The following CECR2 variants were observed in gnomAD, a reference collection of about 807,000 sequenced individuals.
The protein encoded by CECR2 is chromatin remodeling regulator CECR2.
Under a neutral mutation model 154.5 loss-of-function variants are expected in CECR2, and 30 were observed. The ratio of observed to expected loss-of-function variants is 0.19; its 90% CI spans 0.15 to 0.26. The LOEUF is 0.26. CECR2 is among the 10% of genes least tolerant of loss of function. The pLI, the probability that CECR2 is intolerant of heterozygous loss-of-function variation, is 1.00. For synonymous variants in CECR2, 725 were observed against 683.7 expected, an observed-to-expected ratio of 1.06 and a Z score of -0.94; for missense variants, 1,743 against 1,829.3, an observed-to-expected ratio of 0.95 and a Z score of 0.86.
In CECR2 at chr22:17,511,980, T is replaced by C. The variant is rs571610441; in HGVS notation, c.954+84T>C. The C allele has an allele frequency of 1.5e-4, 159 of 1,047,702 alleles. No homozygotes were observed. In the African/African-American group the frequency reaches 2.4e-3, roughly 16 times the overall value. The allele number at this position is 1,047,702 out of a possible 1,614,324, so 64.9% of individuals were successfully genotyped here. On this transcript the variant is annotated intron_variant, in intron 8 of 18. Coordinates refer to ENST00000262608, the MANE Select transcript of CECR2 (RefSeq NM_001290047.2). The stretch of plus-strand genomic sequence containing the variant: ...TCATGTACTTCCATTCCTGCCTTTT[T>C]ATTTTCCTTCATTTTTTTTCCTAAA...
chr22:17,526,135 T>A (rs2056260461), intron 9 of CECR2, among the ~76,000 whole-genome samples: 1 of 151,874 alleles, frequency 6.6e-6, no homozygotes, highest in East Asian at 1.9e-4. Context: ...ATGACATTCT[T>A]CACAAAAATA....
rs2056553033 is a variant in CECR2, at chr22:17,542,911, T to A, written c.2768T>A (p.Met923Lys). 1.2e-6 allele frequency: 2 copies of A among 1,613,710 alleles called. No individual in the cohort carries two copies. Among genetic ancestry groups the A allele is most frequent in the Non-Finnish European group, 1.7e-6 (2 of 1,179,850 alleles). ...CCTTTTCCGCAGGTAGCTCACCCAA[T>A]GTCAGTCACTGTGTCAGCCCCCAAG... ...PGPFPQVAHP[M>K]SVTVSAPKPA... The change falls in exon 16 of 19, where the codon ATG becomes AAG. Residue 923 changes from methionine to lysine, a missense_variant. Transcript: ENST00000262608.
chr22:17,410,453 TG>T (rs1451841877), intron 1 of CECR2, among the ~76,000 whole-genome samples: 1 of 151,996 alleles, frequency 6.6e-6, no homozygotes, highest in Non-Finnish European at 1.5e-5. Context: ...TGTTTTGTTT[TG>T]TTTTTTGTTT....
intron 1 of CECR2, among the ~76,000 whole-genome samples, chr22:17,434,018 A>G (rs1200223368): frequency 6.6e-6 from 1 of 152,246 alleles, no homozygotes; most frequent in Non-Finnish European, 1.5e-5. Context: ...TTGCTAGAAT[A>G]TAACTAAGGT....
At chr22:17,407,315 G>A (rs1165895163) in intron 1 of CECR2, among the ~76,000 whole-genome samples, 2 of 152,218 alleles carry the variant, frequency 1.3e-5, no homozygotes, top group African/African-American at 2.4e-5. Flanking sequence ...ATTGAAAGAG[G>A]CCGGGTGCGG....
intron 16 of CECR2, among the ~76,000 whole-genome samples, chr22:17,545,730 C>T (rs1181386682): frequency 1.3e-5 from 2 of 151,576 alleles, no homozygotes; most frequent in African/African-American, 4.8e-5. Flanking sequence ...GTAATCCCAG[C>T]TCCTCGGGAG....
At chr22:17,378,463 A>AT (rs1322651608) in intron 1 of CECR2, among the ~76,000 whole-genome samples, 1 of 150,186 alleles carries the variant, frequency 6.7e-6, no homozygotes, top group East Asian at 2.0e-4. Flanking sequence ...CGCCTGGCTA[A>AT]TTTTTTGTAT....
intron 1 of CECR2, among the ~76,000 whole-genome samples, chr22:17,423,526 A>G (rs541745381): frequency 2.1e-4 from 32 of 151,952 alleles, no homozygotes; most frequent in African/African-American, 7.5e-4. Flanking sequence ...AAAAAGAAGA[A>G]GAATTAAGTG....
intron 1 of CECR2, among the ~76,000 whole-genome samples, chr22:17,431,016 C>T (rs1377824616): frequency 6.6e-6 from 1 of 152,100 alleles, no homozygotes; most frequent in Non-Finnish European, 1.5e-5. Context: ...GTCGAGTGCT[C>T]ACAACTTAAA....
At chr22:17,444,561 T>G (rs2054630855) in intron 1 of CECR2, among the ~76,000 whole-genome samples, 1 of 151,606 alleles carries the variant, frequency 6.6e-6, no homozygotes, top group Admixed American at 6.6e-5. Context: ...CGGGAGGAGG[T>G]TGCAGTGAGA....
At chr22:17,547,004 A>G (rs1238776318) in intron 16 of CECR2, among the ~76,000 whole-genome samples, 2 of 139,572 alleles carry the variant, frequency 1.4e-5, no homozygotes, top group East Asian at 4.3e-4. Flanking sequence ...ACGCCACTGC[A>G]CTCCAGCCTG....
intron 1 of CECR2, among the ~76,000 whole-genome samples, chr22:17,471,813 G>A (rs1290835933): frequency 6.6e-6 from 1 of 152,190 alleles, no homozygotes; most frequent in African/African-American, 2.4e-5. Context: ...GGGATTACAG[G>A]TGTGAGCCAC....
chr22:17,495,887 G>C (rs927545918), intron 2 of CECR2, among the ~76,000 whole-genome samples: 3 of 132,308 alleles, frequency 2.3e-5, no homozygotes, highest in African/African-American at 8.1e-5. Flanking sequence ...AAAAAAAAAG[G>C]TATTTACACC....
Position 17,497,559 on chromosome 22 carries a change from T to C in CECR2, c.378T>C (p.Asp126=). 1.2e-6 allele frequency: 2 copies of C among 1,614,010 alleles called. No homozygotes were observed. The highest frequency in any genetic ancestry group is 1.7e-6 in the Non-Finnish European group (2 of 1,179,880). Residue 126 remains aspartate (D), a synonymous_variant, in exon 3 of 19, where the codon GAT becomes GAC. Coordinates refer to ENST00000262608, the MANE Select transcript of CECR2 (RefSeq NM_001290047.2). ...ILHRLCDYRL[D]ADDVFDLLKG... is the part of the protein sequence containing the mutation. ...ACCGACTCTGTGATTACCGGCTGGATGCAGACGATGTCTTCGATCTTCTAA... is the reference window on the plus strand; with the variant it reads ...ACCGACTCTGTGATTACCGGCTGGACGCAGACGATGTCTTCGATCTTCTAA...
intron 8 of CECR2, among the ~76,000 whole-genome samples, chr22:17,519,404 C>T (rs2056117961): frequency 6.6e-6 from 1 of 151,202 alleles, no homozygotes; most frequent in Admixed American, 6.6e-5. Context: ...GGACTACAGG[C>T]GCCCGCCACC....
chr22:17,394,197 C>CTGCT (rs1414675391), intron 1 of CECR2, among the ~76,000 whole-genome samples: 1 of 97,088 alleles, frequency 1.0e-5, no homozygotes. Context: ...GCTGCCGCTG[C>CTGCT]TTTTTTTTTT....
At chr22:17,546,033 C>T (rs2056608464) in intron 16 of CECR2, among the ~76,000 whole-genome samples, 2 of 151,780 alleles carry the variant, frequency 1.3e-5, no homozygotes, top group Admixed American at 6.6e-5. Flanking sequence ...GCCTGGGCGA[C>T]AGAGTTGAAA....
At chr22:17,514,901 T>C (rs1217194384) in intron 8 of CECR2, among the ~76,000 whole-genome samples, 2 of 151,586 alleles carry the variant, frequency 1.3e-5, no homozygotes, top group African/African-American at 2.4e-5. Context: ...GGCGTGGTGG[T>C]GGGCGCCTGT....
intron 9 of CECR2, among the ~76,000 whole-genome samples, chr22:17,528,434 G>A (rs1355953007): frequency 6.6e-6 from 1 of 152,130 alleles, no homozygotes; most frequent in Non-Finnish European, 1.5e-5. Context: ...GTTGGGGAGA[G>A]GTAGGATGGT....
Sources: allele counts gnomAD v4.1 joint callset (sites outside exome capture counted in the v4.1 genomes callset), GRCh38; gene constraint gnomAD v4.1.1; transcripts MANE v1.5; gene names NCBI Gene and HGNC (gene_info 2026-07-23, HGNC 2026-07-21).